Variants in ZFYVE26 observed in about 807,000 individuals in gnomAD.
ZFYVE26 encodes zinc finger FYVE-type containing 26, also known as zinc finger FYVE domain-containing protein 26.
A neutral mutation model predicts 276.5 loss-of-function variants in ZFYVE26; 181 were observed. The ratio of observed to expected loss-of-function variants is 0.65; its 90% CI spans 0.58 to 0.74. ZFYVE26 has a LOEUF of 0.74. Among genes scored for constraint, ZFYVE26 ranks in the 30% least tolerant of loss-of-function variants. ZFYVE26 has a pLI of 0.00. For missense variants in ZFYVE26, 2,821 were observed against 3,097.9 expected (o/e 0.91, Z 2.12); for synonymous variants, 1,129 against 1,203.1 (o/e 0.94, Z 1.27).
rs2039022302 is a variant in ZFYVE26, at chr14:67,765,060, T to C, written c.6011+1167A>G. On this transcript the variant is annotated intron_variant, in intron 32 of 41. Transcript: ENST00000347230. ...TTTTCCTCCTCCTATCCTTTTCTCATAATTAGGTAGATTTTTTATTCTTTT... is the reference window on the plus strand; with the variant it reads ...TTTTCCTCCTCCTATCCTTTTCTCACAATTAGGTAGATTTTTTATTCTTTT... Among the ~76,000 whole-genome samples, 3 of 152,272 alleles carry C rather than the reference T, an allele frequency of 2.0e-5. No homozygotes were observed. In the South Asian group the frequency reaches 6.2e-4, roughly 32 times the overall value.
intron 15 of ZFYVE26, among the ~76,000 whole-genome samples, chr14:67,789,828 G>A (rs149029375): frequency 3.9e-5 from 6 of 152,288 alleles, no homozygotes; most frequent in South Asian, 2.1e-4. Context: ...TTTTCCAAAC[G>A]GAATCTCAAA....
At chr14:67,780,758 C>T (rs1192610418) in intron 22 of ZFYVE26, among the ~76,000 whole-genome samples, 1 of 152,164 alleles carries the variant, frequency 6.6e-6, no homozygotes, top group Non-Finnish European at 1.5e-5. Flanking sequence ...TAAAAAGAAA[C>T]CTTTTTTCAC....
In ZFYVE26 at chr14:67,807,446, C is replaced by A; in HGVS notation, c.838G>T (p.Ala280Ser). The change falls in exon 5 of 42, where the codon GCA becomes TCA. Residue 280 changes from alanine to serine, a missense_variant. Coordinates refer to ENST00000347230, the MANE Select transcript of ZFYVE26 (RefSeq NM_015346.4). ...GLLSLYGHTY[A>S]EKVTEKPPRA... ...GGTGGCTTTTCTGTGACCTTCTCTGCATAGGTATGGCCATACAGGGACAGC... is the reference window on the plus strand; with the variant it reads ...GGTGGCTTTTCTGTGACCTTCTCTGAATAGGTATGGCCATACAGGGACAGC... 6.2e-7 allele frequency: 1 copy of A among 1,614,192 alleles called. No individual in the cohort carries two copies. The highest frequency in any genetic ancestry group is 8.5e-7 in the Non-Finnish European group (1 of 1,180,024).
rs369143197 is a variant in ZFYVE26, at chr14:67,751,100, T to C, written c.7372-4A>G. The C allele has an allele frequency of 1.2e-5, 19 of 1,614,184 alleles. No individual in the cohort carries two copies. Among genetic ancestry groups the C allele is most frequent in the Non-Finnish European group, 1.4e-5 (17 of 1,180,020 alleles). On this transcript the variant is annotated splice_polypyrimidine_tract_variant and splice_region_variant and intron_variant, in intron 40 of 41. Transcript: ENST00000347230. Reference sequence around the variant, plus strand: ...CCTGGATCAGGCCCTCCAGCTCCTGTGCAGAACAGAAACAGCACTGTGAGA... The same window carrying C: ...CCTGGATCAGGCCCTCCAGCTCCTGCGCAGAACAGAAACAGCACTGTGAGA...
intron 35 of ZFYVE26, 124 bp from the exon 36 acceptor site, chr14:67,756,269 CT>C: frequency 1.0e-6 from 1 of 978,358 alleles, no homozygotes. Context: ...GCTTCTTAAT[CT>C]TTTATGTGTC....
At chr14:67,801,279 G>A (rs1944082270) in intron 10 of ZFYVE26, among the ~76,000 whole-genome samples, 2 of 151,912 alleles carry the variant, frequency 1.3e-5, no homozygotes, top group Non-Finnish European at 2.9e-5. Context: ...ACAGCTTACT[G>A]AAAACTAAAA....
At chr14:67,804,659 G>A (rs1462551157) in intron 8 of ZFYVE26, among the ~76,000 whole-genome samples, 1 of 152,222 alleles carries the variant, frequency 6.6e-6, no homozygotes, top group Non-Finnish European at 1.5e-5. Flanking sequence ...CTGGTGAAGT[G>A]AGTGAAGAAC....
intron 13 of ZFYVE26, among the ~76,000 whole-genome samples, chr14:67,738,322 A>G (rs913868964): frequency 1.3e-5 from 2 of 149,036 alleles, no homozygotes; most frequent in East Asian, 3.9e-4. Context: ...TGACATGATT[A>G]TATAATAATT....
In ZFYVE26 at chr14:67,798,275, G is replaced by A; in HGVS notation, c.1987C>T (p.His663Tyr). Residue 663 changes from histidine (H) to tyrosine (Y), a missense_variant, in exon 11 of 42, where the codon CAC becomes TAC. His to Tyr is a moderately conservative substitution (Grantham distance 83, BLOSUM62 2). Coordinates refer to ENST00000347230, the MANE Select transcript of ZFYVE26 (RefSeq NM_015346.4). ...AAGTGTTTTAAGTCCAAAAAGCTGT[G>A]CCTATGAGGCCCTGGGTAACTGTCT... ...PKDSYPGPHR[H>Y]SFLDLKHFTS... is the part of the protein sequence containing the mutation. 1 of 1,614,214 alleles carries A rather than the reference G, an allele frequency of 6.2e-7. No homozygotes were observed. The highest frequency in any genetic ancestry group is 8.5e-7 in the Non-Finnish European group (1 of 1,180,044).
chr14:67,809,429 T>TTA, intron 3 of ZFYVE26, 140 bp from the exon 4 acceptor site: 3 of 670,068 alleles, frequency 4.5e-6, no homozygotes, highest in Non-Finnish European at 4.8e-6. Flanking sequence ...TTTTTTTTTT[T>TTA]TTTTTTATTT....
chr14:67,796,776 A>G (rs1594928702), intron 12 of ZFYVE26: 2 of 151,698 alleles, frequency 1.3e-5, no homozygotes, highest in South Asian at 4.2e-4. Flanking sequence ...ACATGGCAAA[A>G]CCCCGTCTCT....
intron 8 of ZFYVE26, 70 bp downstream of exon 8, chr14:67,805,147 G>A (rs1022997341): frequency 2.7e-6 from 4 of 1,467,444 alleles, no homozygotes; most frequent in Admixed American, 3.5e-5. Flanking sequence ...GCCTTGAAAT[G>A]GCCACACATG....
intron 3 of ZFYVE26, 119 bp from the exon 4 acceptor site, chr14:67,809,408 CTTT>C (rs10580613): frequency 0.013 from 2,721 of 209,084 alleles, no homozygotes; most frequent in Non-Finnish European, 0.016. Flanking sequence ...ATGAAGCACT[CTTT>C]TTTTTTTTTT....
chr14:67,763,885 G>A (rs548719539), intron 32 of ZFYVE26, among the ~76,000 whole-genome samples: 1 of 152,274 alleles, frequency 6.6e-6, no homozygotes, highest in African/African-American at 2.4e-5. Flanking sequence ...TGGTCCTTTT[G>A]AACCCTTCTT....
At chr14:67,757,405 C>T (rs2038806148) in intron 35 of ZFYVE26, among the ~76,000 whole-genome samples, 1 of 152,202 alleles carries the variant, frequency 6.6e-6, no homozygotes, top group Non-Finnish European at 1.5e-5. Context: ...TCTAGCCACC[C>T]TGGCCTTTGC....
chr14:67,789,640 G>A (rs781075430), intron 15 of ZFYVE26, 42 bp from the exon 16 acceptor site: 6 of 1,612,684 alleles, frequency 3.7e-6, no homozygotes, highest in African/African-American at 2.7e-5. Context: ...GGGTTAAAAG[G>A]ATTCTTACTA....
Position 67,786,201 on chromosome 14 carries a change from C to T in ZFYVE26, c.3052G>A (p.Asp1018Asn). 6.3e-7 allele frequency: 1 copy of T among 1,577,526 alleles called. No homozygotes were observed. The highest frequency in any genetic ancestry group is 8.6e-7 in the Non-Finnish European group (1 of 1,164,666). The change falls in exon 17 of 42, where the codon GAT becomes AAT. Residue 1018 changes from aspartate (D) to asparagine (N), a missense_variant. Transcript: ENST00000347230. ...ACAACTGGAAAACCTCGAATGCCAT[C>T]AGCATTTAGGAGTACGTGGTCTATC... ...RRIDHVLLNA[D>N]GIRGFPVVLQ...
chr14:67,789,537 G>C lies in ZFYVE26; in HGVS notation c.2817C>G (p.Pro939=). Reference sequence around the variant, plus strand: ...AAAAGTCCTCCTGGAGCATGGGGATGGGGTCTCCAGAGGTGTTGAGCAGCT... The same window carrying C: ...AAAAGTCCTCCTGGAGCATGGGGATCGGGTCTCCAGAGGTGTTGAGCAGCT... ...TDKLLNTSGD[P]IPMLQEDFWI... The change falls in exon 16 of 42, where the codon CCC becomes CCG. Residue 939 remains proline, a synonymous_variant. Transcript: ENST00000347230. 1 of 1,614,128 alleles carries C rather than the reference G, an allele frequency of 6.2e-7. No homozygotes were observed. The highest frequency in any genetic ancestry group is 2.2e-5 in the East Asian group (1 of 44,884).
chr14:67,742,330 G>T (rs1413911136), downstream of ZFYVE26, among the ~76,000 whole-genome samples: 2 of 152,138 alleles, frequency 1.3e-5, no homozygotes, highest in Non-Finnish European at 2.9e-5. Flanking sequence ...GTTGGTGATG[G>T]TTGCACAACA....
Sources: gnomAD v4.1 joint callset for allele counts (sites outside exome capture counted in the v4.1 genomes callset) on GRCh38, gnomAD v4.1.1 for gene constraint, MANE v1.5 for transcripts, NCBI Gene and HGNC (gene_info 2026-07-23, HGNC 2026-07-21) for gene names.